PRRC2A: variants seen among roughly 807,000 people sequenced by gnomAD.
PRRC2A encodes the protein protein PRRC2A.
In PRRC2A, 59 loss-of-function variants were observed where a neutral mutation model predicts 224.6. The observed-to-expected ratio is 0.26, with a 90% CI of 0.21 to 0.33. PRRC2A has a LOEUF of 0.33. Ranked by LOEUF, PRRC2A falls within the 10% of genes least tolerant of loss-of-function variation. PRRC2A has a pLI of 1.00. For synonymous variants in PRRC2A, 1,194 were observed against 1,109.5 expected, an observed-to-expected ratio of 1.08 and a Z score of -1.51; for missense variants, 3,095 against 2,880.7, an observed-to-expected ratio of 1.07 and a Z score of -1.70.
chr6:31,633,082 A>G, intron 16 of PRRC2A, 90 bp downstream of exon 16: 1 of 1,415,748 alleles, frequency 7.1e-7, no homozygotes, highest in Non-Finnish European at 9.3e-7. Flanking sequence ...TGGAGTGGAG[A>G]TTGTGGCCTG....
rs758959555 is a variant in PRRC2A, at chr6:31,628,169, G to A, written c.1695G>A (p.Ala565=). ...CTACTCCTACTCCAGGTGTGGCTGC[G>A]GCTCCCACTCTGGTGAGTGGTGGTG... The part of the protein sequence containing the change: ...AQSTPTPGVA[A]APTLVSGGGS... The change falls in exon 12 of 31, where the codon GCG becomes GCA. Residue 565 remains alanine (A), a synonymous_variant. Transcript: ENST00000376033. The A allele has an allele frequency of 6.2e-6, 10 of 1,612,930 alleles. No homozygotes were observed. The highest frequency in any genetic ancestry group is 1.1e-5 in the South Asian group (1 of 91,094).
rs1395156438 is a variant in PRRC2A at position 31,627,406 on chromosome 6, G to A, written c.1290+208G>A. 2.6e-5 allele frequency among the ~76,000 whole-genome samples: 4 copies of A among 152,154 alleles called. No homozygotes were observed. The highest frequency in any genetic ancestry group is 4.4e-5 in the Non-Finnish European group (3 of 68,020). ...AGTGAGAAACTGGGATGCTAATGAG[G>A]AAAGAAGAAAAAGGAGCCCTGGGTG... On this transcript the variant is annotated intron_variant, in intron 11 of 30. Transcript: ENST00000376033. This position sits in a 1 kb window ranked among gnomAD's most constrained non-coding sequence, Gnocchi z 5.6.
intron 1 of PRRC2A, 125 bp from the exon 2 acceptor site, chr6:31,622,565 T>G: frequency 2.0e-6 from 1 of 496,936 alleles, no homozygotes; most frequent in Non-Finnish European, 3.5e-6. Context: ...GCTAAGTAGA[T>G]CATGGTTGCT....
Position 31,625,667 on chromosome 6 carries a change from A to C in PRRC2A, c.759+56A>C, listed in dbSNP as rs1775825258. ...TACACTGGAAGCTGGAGAGCTAGGA[A>C]TCAGGACTTAGTCTTTGACCTATGA... is the stretch of plus-strand genomic sequence containing the variant. On this transcript the variant is annotated intron_variant, in intron 7 of 30. Transcript: ENST00000376033. This position sits in a 1 kb window ranked among gnomAD's most constrained non-coding sequence, Gnocchi z 4.1. 6.2e-6 allele frequency: 10 copies of C among 1,604,496 alleles called. No homozygotes were observed. In the South Asian group the frequency reaches 1.1e-4, roughly 18 times the overall value.
At position 31,636,475 on chromosome 6, in the gene PRRC2A, T is replaced by C. The variant is rs1355787702; in HGVS notation, c.5836-35T>C. 1.2e-6 allele frequency: 2 copies of C among 1,609,236 alleles called. No individual in the cohort carries two copies. Among genetic ancestry groups the C allele is most frequent in the South Asian group, 2.2e-5 (2 of 91,026 alleles). ...GGATAGGGTAGGGAGAATGATTTTG[T>C]GGGGGTTGATATATTTCTCCCTGTT... On this transcript the variant is annotated intron_variant, in intron 26 of 30. Transcript: ENST00000376033. This position sits in a 1 kb window ranked among gnomAD's most constrained non-coding sequence, Gnocchi z 4.3.
Position 31,636,132 on chromosome 6 carries a change from A to T in PRRC2A, c.5625-77A>T. ...GAAGGGGAAGACACAGTTCTAGGGT[A>T]CTAGAAGCTAGTGGACTTAAGGCAT... On this transcript the variant is annotated intron_variant, in intron 25 of 30. Transcript: ENST00000376033. The surrounding 1 kb of genome is among the most constrained non-coding windows in gnomAD (Gnocchi z 4.3). 1 of 1,541,492 alleles carries T rather than the reference A, an allele frequency of 6.5e-7. No individual in the cohort carries two copies. Among genetic ancestry groups the T allele is most frequent in the South Asian group, 1.1e-5 (1 of 89,608 alleles).
rs947086545 is a variant in PRRC2A, at chr6:31,634,773, G to C, written c.4956G>C (p.Gly1652=). Residue 1652 remains glycine, a synonymous_variant, in exon 21 of 31, where the codon GGG becomes GGC. Coordinates refer to ENST00000376033, the MANE Select transcript of PRRC2A (RefSeq NM_004638.4). ...CTCAGATGAGTCAGTCTGACAGTGG[G>C]GTGGACCTGAGTGGGGATTCTCAGG... ...AGTEMSQSDS[G]VDLSGDSQVS... is the part of the protein sequence containing the mutation. 1.9e-6 allele frequency: 3 copies of C among 1,612,314 alleles called. No individual in the cohort carries two copies. The African/African-American group carries it at 4.0e-5, about 22-fold the overall frequency.
Position 31,627,221 on chromosome 6 carries a change from T to G in PRRC2A, c.1290+23T>G. On this transcript the variant is annotated intron_variant, in intron 11 of 30. Transcript: ENST00000376033. This position sits in a 1 kb window ranked among gnomAD's most constrained non-coding sequence, Gnocchi z 5.6. ...CCAGTGAGTGTCTCCAATAAGGGAT[T>G]GAGAGGGTCAGCTGTGGGAAATTGG... 1 of 1,500,602 alleles carries G rather than the reference T, an allele frequency of 6.7e-7. No individual in the cohort carries two copies. The highest frequency in any genetic ancestry group is 9.2e-7 in the Non-Finnish European group (1 of 1,084,236). The allele number at this position is 1,500,602 out of a possible 1,614,324, so 93.0% of individuals were successfully genotyped here. A position where few individuals can be genotyped will look rare whatever the true frequency, so the allele number is the denominator to read the frequency against.
rs757537505 is a variant in PRRC2A at position 31,630,821 on chromosome 6, A to G, written c.2465+20A>G. On this transcript the variant is annotated intron_variant, in intron 15 of 30. Transcript: ENST00000376033. ...GATGAGGTGAGTCTTGGTCATGAGA[A>G]ATGGGTGAGTTCACAGTGAAAGGAT... is the stretch of plus-strand genomic sequence containing the variant. 6 of 1,611,834 alleles carry G rather than the reference A, an allele frequency of 3.7e-6. No homozygotes were observed. The African/African-American group carries it at 8.0e-5, about 22-fold the overall frequency.
intron 17 of PRRC2A, 66 bp downstream of exon 17, chr6:31,633,713 C>T (rs542899058): frequency 7.8e-6 from 12 of 1,545,624 alleles, no homozygotes; most frequent in East Asian, 2.3e-5. Context: ...CTGGAGGGAG[C>T]GGGTGGAGAA....
rs781479697 is a variant in PRRC2A, at chr6:31,623,711, T to C, written c.113-21T>C. ...CTCCCACATGAGGCATTTTCGACCCTCTCTCCGTCTTGTTCTCCAGTTGCC... is the reference window on the plus strand; with the variant it reads ...CTCCCACATGAGGCATTTTCGACCCCCTCTCCGTCTTGTTCTCCAGTTGCC... On this transcript the variant is annotated intron_variant, in intron 2 of 30. Coordinates refer to ENST00000376033, the MANE Select transcript of PRRC2A (RefSeq NM_004638.4). 1.9e-6 allele frequency: 3 copies of C among 1,612,404 alleles called. No individual in the cohort carries two copies. In the African/African-American group the frequency reaches 4.0e-5, roughly 21 times the overall value.
In PRRC2A at chr6:31,625,688, T is replaced by C. The variant is rs1282686601; in HGVS notation, c.759+77T>C. 1.3e-6 allele frequency: 2 copies of C among 1,594,280 alleles called. No homozygotes were observed. Among genetic ancestry groups the C allele is most frequent in the Non-Finnish European group, 1.7e-6 (2 of 1,162,306 alleles). On this transcript the variant is annotated intron_variant, in intron 7 of 30. Transcript: ENST00000376033. The surrounding 1 kb of genome is among the most constrained non-coding windows in gnomAD (Gnocchi z 4.1). ...AGGAATCAGGACTTAGTCTTTGACC[T>C]ATGAGATAGAAGGGAGGGTGGGAGG...
In PRRC2A at chr6:31,632,265, C is replaced by A; in HGVS notation, c.3592C>A (p.Pro1198Thr). 6.2e-7 allele frequency: 1 copy of A among 1,613,068 alleles called. No individual in the cohort carries two copies. The highest frequency in any genetic ancestry group is 8.5e-7 in the Non-Finnish European group (1 of 1,180,016). The part of the protein sequence containing the change: ...PAKSLAPKKP[P>T]TGPLPPSKEP... ...CAAGTCTCTGGCTCCCAAGAAACCTCCCACAGGCCCTTTGCCACCAAGTAA... is the reference window on the plus strand; with the variant it reads ...CAAGTCTCTGGCTCCCAAGAAACCTACCACAGGCCCTTTGCCACCAAGTAA... The change falls in exon 16 of 31, where the codon CCC (proline) becomes ACC (threonine). Residue 1198 changes from proline (P) to threonine (T), a missense_variant. Physicochemically the swap from Pro to Thr is conservative, Grantham distance 38. Transcript: ENST00000376033.
intron 2 of PRRC2A, 139 bp downstream of exon 2, chr6:31,623,040 C>T: frequency 1.2e-6 from 1 of 813,522 alleles, no homozygotes; most frequent in Non-Finnish European, 2.2e-6. Flanking sequence ...TACACTGGGT[C>T]CTTTAAAGGG....
chr6:31,631,804 G>T lies in PRRC2A; in HGVS notation c.3131G>T (p.Gly1044Val). The change falls in exon 16 of 31, where the codon GGA becomes GTA. Residue 1044 changes from glycine (G) to valine (V), a missense_variant. By Grantham distance (109) the Gly-to-Val change is moderately radical. Coordinates refer to ENST00000376033, the MANE Select transcript of PRRC2A (RefSeq NM_004638.4). This position sits in a 1 kb window ranked among gnomAD's most constrained non-coding sequence, Gnocchi z 4.5. ...AGGGGTTTTCGGGGGACCTATGGGG[G>T]ACGAGGGCGGGGAGCCCGAAGCCGG... ...RGRGFRGTYGGRGRGARSREF... is the reference protein window; with the variant it reads ...RGRGFRGTYGVRGRGARSREF... 5 of 1,585,320 alleles carry T rather than the reference G, an allele frequency of 3.2e-6. No individual in the cohort carries two copies. Among genetic ancestry groups the T allele is most frequent in the Non-Finnish European group, 4.3e-6 (5 of 1,163,990 alleles).
chr6:31,620,732 G>A lies in PRRC2A; in HGVS notation c.-227G>A, dbSNP rs1004608849. 1 of 152,218 alleles carries A rather than the reference G, an allele frequency of 6.6e-6. No homozygotes were observed. The highest frequency in any genetic ancestry group is 2.4e-5 in the African/African-American group (1 of 41,454). 9.4% of individuals were successfully genotyped at this position (152,218 alleles called of 1,614,324 possible). On this transcript the variant is annotated 5_prime_UTR_variant, in exon 1 of 31. Transcript: ENST00000376033. ...GGGCCGTTAGTCGGGGCTCAGCCGC[G>A]GAGTGAGCGAGGGAGACGGGAGGAG...
chr6:31,634,606 T>G (rs759194685), intron 20 of PRRC2A, 49 bp downstream of exon 20: 1 of 1,599,194 alleles, frequency 6.3e-7, no homozygotes, highest in East Asian at 2.2e-5. Context: ...TTTTGAGCAC[T>G]GGTCATACCC....
At chr6:31,622,552 G>A (rs1775410255) in intron 1 of PRRC2A, 138 bp from the exon 2 acceptor site, 3 of 460,516 alleles carry the variant, frequency 6.5e-6, no homozygotes, top group Non-Finnish European at 1.1e-5. Context: ...GAGCTATGAG[G>A]GAGCTAAGTA....
In PRRC2A at chr6:31,623,901, C is replaced by A; in HGVS notation, c.282C>A (p.Asp94Glu). Residue 94 changes from aspartate to glutamate, a missense_variant, in exon 3 of 31, where the codon GAC becomes GAA. By Grantham distance (45) the Asp-to-Glu change is conservative. Transcript: ENST00000376033. ...TGWASKQEQSDPKSSDASTAQ... is the reference protein window; with the variant it reads ...TGWASKQEQSEPKSSDASTAQ... ...GGGCAAGCAAACAGGAGCAGTCCGA[C>A]CCCAAGAGGTAGACAGAGGCTTGGG... 4 of 1,614,148 alleles carry A rather than the reference C, an allele frequency of 2.5e-6. No homozygotes were observed. Among genetic ancestry groups the A allele is most frequent in the Non-Finnish European group, 3.4e-6 (4 of 1,180,014 alleles).
Sources: allele counts gnomAD v4.1 joint callset (sites outside exome capture counted in the v4.1 genomes callset), GRCh38; gene constraint gnomAD v4.1.1; non-coding constraint Gnocchi (gnomAD v3.1); transcripts MANE v1.5; gene names NCBI Gene and HGNC (gene_info 2026-07-23, HGNC 2026-07-21).